Variants in POU6F2 observed in about 807,000 individuals in gnomAD.
POU6F2 encodes POU class 6 homeobox 2.
A neutral mutation model predicts 71.3 loss-of-function variants in POU6F2; 31 were observed. The ratio of observed to expected loss-of-function variants is 0.43; its 90% confidence interval spans 0.33 to 0.59. The LOEUF (loss-of-function observed/expected upper bound fraction) is 0.59, where lower values mean the gene tolerates loss of function less well. POU6F2 is among the 20% of genes least tolerant of loss of function. The probability of loss-of-function intolerance (pLI) is 0.04; values close to 1 mark genes in which losing one functional copy is unlikely to be tolerated. For synonymous variants in POU6F2, 347 were observed against 355.7 expected, an observed-to-expected ratio of 0.98 and a Z score of 0.27; for missense variants, 783 against 856.8, an observed-to-expected ratio of 0.91 and a Z score of 1.07.
At chr7:39,324,064 C>T (rs903809048) in intron 4 of POU6F2, among the ~76,000 whole-genome samples, 4 of 147,068 alleles carry the variant, frequency 2.7e-5, no homozygotes, top group South Asian at 2.1e-4. Flanking sequence ...GCCAAGATAG[C>T]GCAACTGCAC....
At chr7:39,409,728 C>T (rs548483580) in intron 6 of POU6F2, among the ~76,000 whole-genome samples, 2 of 152,336 alleles carry the variant, frequency 1.3e-5, no homozygotes, top group East Asian at 1.9e-4. Flanking sequence ...CAGAATCTTC[C>T]GTCAGGGTCT....
At chr7:39,226,070 T>C (rs954473175) in intron 4 of POU6F2, among the ~76,000 whole-genome samples, 3 of 152,102 alleles carry the variant, frequency 2.0e-5, no homozygotes, top group Admixed American at 6.6e-5. Context: ...CAATCTGTAG[T>C]CAGGCATTTT....
At chr7:39,119,758 A>G (rs1228008008) in intron 2 of POU6F2, among the ~76,000 whole-genome samples, 1 of 152,228 alleles carries the variant, frequency 6.6e-6, no homozygotes, top group Non-Finnish European at 1.5e-5. Context: ...AACCAGACCT[A>G]AAGAATAGGT....
intron 1 of POU6F2, among the ~76,000 whole-genome samples, chr7:39,079,438 A>G (rs999760223): frequency 6.6e-6 from 1 of 151,902 alleles, no homozygotes. Context: ...AGGCCTCCCA[A>G]AGTGCTGGGA....
chr7:39,115,995 C>T (rs973910478), intron 2 of POU6F2, among the ~76,000 whole-genome samples: 1 of 152,142 alleles, frequency 6.6e-6, no homozygotes, highest in African/African-American at 2.4e-5. Flanking sequence ...CATTCACTGT[C>T]CTACAGAGGA....
At chr7:39,111,096 T>G (rs1345141530) in intron 2 of POU6F2, among the ~76,000 whole-genome samples, 1 of 152,204 alleles carries the variant, frequency 6.6e-6, no homozygotes. Context: ...ATATGTATAC[T>G]TTTGTCCCCA....
chr7:39,349,128 C>T (rs750112591), intron 5 of POU6F2, among the ~76,000 whole-genome samples: 1 of 151,898 alleles, frequency 6.6e-6, no homozygotes, highest in Non-Finnish European at 1.5e-5. Context: ...GTGGAGAAAA[C>T]CAAGTATAGA....
At chr7:39,142,896 A>T (rs1040234791) in intron 2 of POU6F2, among the ~76,000 whole-genome samples, 2 of 152,236 alleles carry the variant, frequency 1.3e-5, no homozygotes, top group Non-Finnish European at 2.9e-5. Flanking sequence ...ATGGATCTAT[A>T]AAATCATATG....
chr7:39,041,804 AGAT>A (rs1242815223), intron 1 of POU6F2, among the ~76,000 whole-genome samples: 1 of 151,942 alleles, frequency 6.6e-6, no homozygotes, highest in Non-Finnish European at 1.5e-5. Context: ...GGACATTATT[AGAT>A]GATATCTTTT....
intron 2 of POU6F2, among the ~76,000 whole-genome samples, chr7:39,171,478 T>G (rs1478395409): frequency 6.6e-6 from 1 of 152,210 alleles, no homozygotes; most frequent in Non-Finnish European, 1.5e-5. Context: ...TTATTTAGAT[T>G]TAGATTTTTC....
chr7:39,339,887 CCCCACT>C lies in POU6F2; in HGVS notation c.855_860del (p.His285_Ser286del), dbSNP rs768659973. 10 of 1,613,668 alleles carry C rather than the reference CCCCACT, an allele frequency of 6.2e-6. No individual in the cohort carries two copies. In the African/African-American group the frequency reaches 1.1e-4, roughly 17 times the overall value. On this transcript the variant is annotated inframe_deletion, in exon 5 of 10. Transcript: ENST00000518318. ...GGCGCCTCAGCCCCAGCAGCACCAA[CCCCACT>C]CCCACTCCCAGAACCAGAACCAACC...
At chr7:39,285,004 G>A (rs545690291) in intron 4 of POU6F2, among the ~76,000 whole-genome samples, 2 of 152,298 alleles carry the variant, frequency 1.3e-5, no homozygotes, top group African/African-American at 4.8e-5. Flanking sequence ...GGGGATCTCC[G>A]TGAAGCTCTC....
chr7:38,982,237 C>T (rs954853124), intron 1 of POU6F2, among the ~76,000 whole-genome samples: 2 of 152,056 alleles, frequency 1.3e-5, no homozygotes, highest in Admixed American at 1.3e-4. Flanking sequence ...GTGTGAATGC[C>T]TGTATTTTTG....
intron 2 of POU6F2, among the ~76,000 whole-genome samples, chr7:39,150,142 C>T (rs1203454411): frequency 3.3e-5 from 5 of 152,188 alleles, no homozygotes; most frequent in Middle Eastern, 3.4e-3. Flanking sequence ...CCGCCTGCCT[C>T]GGCCTCTCAA....
Position 39,351,997 on chromosome 7 carries a change from G to T in POU6F2, c.972+11982G>T, listed in dbSNP as rs141784368. 2.2e-4 allele frequency among the ~76,000 whole-genome samples: 33 copies of T among 152,330 alleles called. No individual in the cohort carries two copies. The East Asian group carries it at 4.6e-3, about 21-fold the overall frequency. ...AGGTAGATAGCACTGTTGGAGGAAAGACTCTCATTTGCCCACCTCTCTGAC... is the reference window on the plus strand; with the variant it reads ...AGGTAGATAGCACTGTTGGAGGAAATACTCTCATTTGCCCACCTCTCTGAC... On this transcript the variant is annotated intron_variant, in intron 5 of 9. Transcript: ENST00000518318.
intron 4 of POU6F2, among the ~76,000 whole-genome samples, chr7:39,278,278 G>T (rs531655422): frequency 6.6e-6 from 1 of 152,086 alleles, no homozygotes; most frequent in Admixed American, 6.5e-5. Flanking sequence ...TCAGAAACTG[G>T]AAGTAAGCTC....
chr7:39,221,078 C>G (rs1794345569), intron 4 of POU6F2, among the ~76,000 whole-genome samples: 1 of 151,844 alleles, frequency 6.6e-6, no homozygotes, highest in Admixed American at 6.6e-5. Flanking sequence ...AATATGGACA[C>G]CAGAAAATTT....
At chr7:38,991,146 T>C (rs376704355) in intron 1 of POU6F2, among the ~76,000 whole-genome samples, 2 of 152,178 alleles carry the variant, frequency 1.3e-5, no homozygotes, top group Non-Finnish European at 2.9e-5. Flanking sequence ...AAATTATTAA[T>C]ATGTTTATGA....
intron 2 of POU6F2, among the ~76,000 whole-genome samples, chr7:39,149,631 T>G (rs538631747): frequency 1.3e-3 from 197 of 152,332 alleles, no homozygotes; most frequent in African/African-American, 4.6e-3. Flanking sequence ...TTCATCCTAC[T>G]TATTTGCTAT....
Sources: allele counts gnomAD v4.1 joint callset (sites outside exome capture counted in the v4.1 genomes callset), GRCh38; gene constraint gnomAD v4.1.1; transcripts MANE v1.5; gene names NCBI Gene and HGNC (gene_info 2026-07-23, HGNC 2026-07-21).